LRRFIP2: variants seen among roughly 807,000 people sequenced by gnomAD.
LRRFIP2 encodes LRR binding FLII interacting protein 2.
Under a neutral mutation model 125.9 loss-of-function variants are expected in LRRFIP2, and 109 were observed. The ratio of observed to expected loss-of-function variants is 0.87; its 90% confidence interval spans 0.74 to 1.01. The LOEUF is 1.01. Ranked by LOEUF, LRRFIP2 falls within the 50% of genes least tolerant of loss-of-function variation. The probability of loss-of-function intolerance (pLI) is 0.00; values close to 1 mark genes in which losing one functional copy is unlikely to be tolerated. For synonymous variants in LRRFIP2, 291 were observed against 293.1 expected (o/e 0.99, Z 0.07); for missense variants, 850 against 862.3 (o/e 0.99, Z 0.18).
intron 16 of LRRFIP2, 53 bp from the exon 17 acceptor site, chr3:37,094,961 G>T: frequency 1.7e-6 from 2 of 1,201,508 alleles, no homozygotes; most frequent in Non-Finnish European, 2.5e-6. Flanking sequence ...AAATATGTTT[G>T]CTGTGGAAAC....
At chr3:37,114,968 G>C in intron 7 of LRRFIP2, 86 bp downstream of exon 7, 1 of 1,059,224 alleles carries the variant, frequency 9.4e-7, no homozygotes, top group African/African-American at 1.6e-5. Flanking sequence ...ACAAAGCCAT[G>C]AAAGTTAGTC....
intron 1 of LRRFIP2, among the ~76,000 whole-genome samples, chr3:37,152,469 T>G (rs1243766800): frequency 6.6e-6 from 1 of 151,624 alleles, no homozygotes; most frequent in Non-Finnish European, 1.5e-5. Flanking sequence ...TGAGACGGAG[T>G]CTCGCTCTTT....
intron 1 of LRRFIP2, among the ~76,000 whole-genome samples, chr3:37,152,826 T>C (rs548411340): frequency 6.6e-6 from 1 of 152,368 alleles, no homozygotes; most frequent in Non-Finnish European, 1.5e-5. Context: ...ATGTTCCTTT[T>C]CAGACTAGAT....
At chr3:37,148,018 C>CT (rs1438641015) in intron 2 of LRRFIP2, among the ~76,000 whole-genome samples, 7 of 152,156 alleles carry the variant, frequency 4.6e-5, no homozygotes, top group South Asian at 2.1e-4. Flanking sequence ...AAATAAAACA[C>CT]TGAATCTGAA....
chr3:37,128,992 T>C, intron 3 of LRRFIP2, 71 bp downstream of exon 3: 2 of 1,344,654 alleles, frequency 1.5e-6, no homozygotes. Context: ...CAGATTCACA[T>C]CAGAATAAAC....
chr3:37,167,478 A>C (rs2096523276), intron 1 of LRRFIP2, among the ~76,000 whole-genome samples: 1 of 150,104 alleles, frequency 6.7e-6, no homozygotes. Flanking sequence ...ATAGGGCGAA[A>C]CCCCGTCTCT....
At chr3:37,164,845 C>T (rs937423896) in intron 1 of LRRFIP2, among the ~76,000 whole-genome samples, 35 of 152,166 alleles carry the variant, frequency 2.3e-4, no homozygotes, top group Non-Finnish European at 4.0e-4. Context: ...ATTACTTCCC[C>T]CATGAATGTA....
At chr3:37,156,065 G>A (rs972612774) in intron 1 of LRRFIP2, among the ~76,000 whole-genome samples, 3 of 152,070 alleles carry the variant, frequency 2.0e-5, no homozygotes, top group African/African-American at 7.2e-5. Flanking sequence ...GGTAGACACA[G>A]GGCTACACCA....
upstream of LRRFIP2, chr3:37,174,728 A>G (rs1389787450): frequency 1.3e-5 from 2 of 152,246 alleles, no homozygotes; most frequent in Non-Finnish European, 2.9e-5. Flanking sequence ...ATTCTTCACG[A>G]TGATAAATAT....
chr3:37,084,152 A>G (rs912922504), intron 18 of LRRFIP2, among the ~76,000 whole-genome samples: 4 of 152,194 alleles, frequency 2.6e-5, no homozygotes, highest in African/African-American at 9.6e-5. Flanking sequence ...TATAATTTTA[A>G]TAACAGACTG....
chr3:37,157,387 A>G (rs2096230425), intron 1 of LRRFIP2, among the ~76,000 whole-genome samples: 1 of 152,060 alleles, frequency 6.6e-6, no homozygotes, highest in East Asian at 1.9e-4. Flanking sequence ...AGGATGCAGT[A>G]TGCCTTGATC....
chr3:37,162,683 G>A (rs2096379275), intron 1 of LRRFIP2, among the ~76,000 whole-genome samples: 1 of 152,162 alleles, frequency 6.6e-6, no homozygotes, highest in East Asian at 1.9e-4. Flanking sequence ...AAACACAGAA[G>A]AGGGGCAAAA....
chr3:37,098,769 T>G lies in LRRFIP2; in HGVS notation c.874-2109A>C, dbSNP rs58521926. 1.9e-3 allele frequency among the ~76,000 whole-genome samples: 290 copies of G among 152,306 alleles called. 1 individual carries two copies. Among genetic ancestry groups the G allele is most frequent in the African/African-American group, 6.2e-3 (256 of 41,560 alleles). ...AATCCTTTTACACATCTATACTGCA[T>G]TGCCCAATATTTAATGTATTATTCT... is the stretch of plus-strand genomic sequence containing the variant. On this transcript the variant is annotated intron_variant, in intron 15 of 27. Coordinates refer to ENST00000336686, the MANE Select transcript of LRRFIP2 (RefSeq NM_006309.4).
intron 6 of LRRFIP2, among the ~76,000 whole-genome samples, chr3:37,120,155 T>C (rs1198991886): frequency 6.7e-6 from 1 of 150,046 alleles, no homozygotes; most frequent in East Asian, 2.0e-4. Context: ...TTGCCTAGGC[T>C]GGAGTGCAAT....
chr3:37,134,986 G>A (rs1160139791), intron 2 of LRRFIP2: 1 of 1,516,242 alleles, frequency 6.6e-7, no homozygotes, highest in Non-Finnish European at 9.1e-7. Flanking sequence ...TTTGTTCACT[G>A]CTATGTGATC....
Position 37,154,905 on chromosome 3 carries a change from T to A in LRRFIP2, c.-55-5867A>T, listed in dbSNP as rs554103333. Among the ~76,000 whole-genome samples, 3 of 152,364 alleles carry A rather than the reference T, an allele frequency of 2.0e-5. No individual in the cohort carries two copies. In the South Asian group the frequency reaches 6.2e-4, roughly 32 times the overall value. On this transcript the variant is annotated intron_variant, in intron 1 of 27. Transcript: ENST00000336686. The stretch of plus-strand genomic sequence containing the variant: ...AGTTCTTTTATATCTAAGTATTGCA[T>A]CATGGAGAATTCAAAATATTGTCCT...
chr3:37,083,407 T>C (rs534174020), intron 19 of LRRFIP2, among the ~76,000 whole-genome samples: 22 of 152,302 alleles, frequency 1.4e-4, no homozygotes, highest in South Asian at 2.1e-4. Flanking sequence ...TTGTATTCTA[T>C]TTTCAGAAAC....
intron 1 of LRRFIP2, chr3:37,154,633 T>C (rs1291996230): frequency 6.6e-6 from 1 of 152,240 alleles, no homozygotes; most frequent in Non-Finnish European, 1.5e-5. Flanking sequence ...GGAAAGTATC[T>C]TCAGGATCTT....
chr3:37,082,410 A>T (rs1184464870), intron 19 of LRRFIP2, among the ~76,000 whole-genome samples: 1 of 152,210 alleles, frequency 6.6e-6, no homozygotes, highest in Non-Finnish European at 1.5e-5. Context: ...TGTTTAAAGT[A>T]CAGAGAGTTT....
Sources: allele counts gnomAD v4.1 joint callset (sites outside exome capture counted in the v4.1 genomes callset), GRCh38; gene constraint gnomAD v4.1.1; transcripts MANE v1.5; gene names NCBI Gene and HGNC (gene_info 2026-07-23, HGNC 2026-07-21).